The following SFI1 variants were observed in gnomAD, a reference collection of about 807,000 sequenced individuals.
SFI1 encodes the protein protein SFI1 homolog.
A neutral mutation model predicts 207.5 loss-of-function variants in SFI1; 195 were observed. The observed-to-expected ratio is 0.94, with a 90% CI of 0.84 to 1.06. The LOEUF (loss-of-function observed/expected upper bound fraction) is 1.06. SFI1 is among the 50% of genes least tolerant of loss of function. The probability of loss-of-function intolerance (pLI) is 0.00; values close to 1 mark genes in which losing one functional copy is unlikely to be tolerated. For missense variants in SFI1, 1,634 were observed against 1,588.0 expected, an observed-to-expected ratio of 1.03 and a Z score of -0.49; for synonymous variants, 630 against 598.9, an observed-to-expected ratio of 1.05 and a Z score of -0.76.
intron 6 of SFI1, among the ~76,000 whole-genome samples, chr22:31,554,843 C>T (rs543477889): frequency 3.0e-4 from 46 of 152,072 alleles, no homozygotes; most frequent in Admixed American, 3.3e-4. Context: ...CTATATTACA[C>T]GAATTTTAAT....
intron 16 of SFI1, 89 bp from the exon 17 acceptor site, chr22:31,602,518 C>G: frequency 6.8e-7 from 1 of 1,468,444 alleles, no homozygotes; most frequent in Non-Finnish European, 9.4e-7. Flanking sequence ...TTGCCTTAGT[C>G]ATTATTTGTG....
intron 15 of SFI1, among the ~76,000 whole-genome samples, chr22:31,594,689 G>A (rs5753713): frequency 0.77 from 115,867 of 150,802 alleles, 45,005 homozygotes; most frequent in Non-Finnish European, 0.83. Flanking sequence ...CCCTGTCTCT[G>A]CTAAAAATAC....
At chr22:31,608,811 G>A (rs1012667985) in intron 22 of SFI1, among the ~76,000 whole-genome samples, 81 of 152,034 alleles carry the variant, frequency 5.3e-4, no homozygotes, top group Non-Finnish European at 2.9e-5. Flanking sequence ...TTTCTAATTC[G>A]ATCTCAGGAA....
intron 22 of SFI1, among the ~76,000 whole-genome samples, chr22:31,609,827 C>A (rs1370184659): frequency 6.6e-6 from 1 of 152,266 alleles, no homozygotes; most frequent in Non-Finnish European, 1.5e-5. Context: ...CTGCACCTGA[C>A]CCTTTGGGCA....
chr22:31,503,129 T>A (rs1048650102), intron 1 of SFI1, among the ~76,000 whole-genome samples: 2 of 151,644 alleles, frequency 1.3e-5, no homozygotes, highest in African/African-American at 4.9e-5. Context: ...ACTTGTGAGT[T>A]CAGGGGCTTC....
chr22:31,545,602 G>T (rs1240031404), intron 4 of SFI1, among the ~76,000 whole-genome samples: 10 of 109,768 alleles, frequency 9.1e-5, no homozygotes, highest in Non-Finnish European at 1.5e-4. Flanking sequence ...TTTATTTTGA[G>T]ACGAAGTCTC....
intron 27 of SFI1, 106 bp from the exon 28 acceptor site, chr22:31,614,683 T>C (rs774871091): frequency 7.4e-7 from 1 of 1,351,642 alleles, no homozygotes; most frequent in Non-Finnish European, 1.0e-6. Flanking sequence ...GGCCTCGCCT[T>C]TCCTGACTTT....
At chr22:31,530,171 C>CAAAAAAAAAAAAAA (rs1162482504) in intron 3 of SFI1, among the ~76,000 whole-genome samples, 1 of 12,106 alleles carries the variant, frequency 8.3e-5, no homozygotes, top group Non-Finnish European at 1.3e-4. Context: ...GACTCCATCT[C>CAAAAAAAAAAAAAA]AAAAAAAAAA....
intron 2 of SFI1, among the ~76,000 whole-genome samples, chr22:31,522,845 G>A (rs1260833674): frequency 2.6e-5 from 4 of 151,948 alleles, no homozygotes; most frequent in African/African-American, 4.8e-5. Context: ...TAGTAGAGAC[G>A]GGGTTTCACC....
rs1347696929 is a variant in SFI1 at position 31,611,316 on chromosome 22, G to T, written c.2415+13G>T. The stretch of plus-strand genomic sequence containing the variant: ...TGTCAGGAAGAGGGTGAGGCTGACG[G>T]TGGCAACTCTCCAAGTTCTGCCTGC... On this transcript the variant is annotated intron_variant, in intron 23 of 32. Transcript: ENST00000400288. 1 of 1,577,826 alleles carries T rather than the reference G, an allele frequency of 6.3e-7. No individual in the cohort carries two copies.
chr22:31,512,075 C>T (rs2055657919), intron 2 of SFI1, among the ~76,000 whole-genome samples: 1 of 152,158 alleles, frequency 6.6e-6, no homozygotes, highest in South Asian at 2.1e-4. Flanking sequence ...GGCGCAGTGG[C>T]TCACGCCTGT....
intron 3 of SFI1, 152 bp downstream of exon 3, chr22:31,529,015 AT>A: frequency 1.4e-6 from 1 of 696,448 alleles, no homozygotes; most frequent in East Asian, 2.7e-5. Flanking sequence ...TGAAAAGGAT[AT>A]TCAGGAACCT....
At chr22:31,538,931 T>C (rs1246614285) in intron 4 of SFI1, among the ~76,000 whole-genome samples, 2 of 152,226 alleles carry the variant, frequency 1.3e-5, no homozygotes, top group Non-Finnish European at 2.9e-5. Flanking sequence ...CTCTGGACTT[T>C]TACGTACGTG....
At chr22:31,535,504 C>CT (rs994523344) in intron 4 of SFI1, among the ~76,000 whole-genome samples, 1 of 148,734 alleles carries the variant, frequency 6.7e-6, no homozygotes, top group Non-Finnish European at 1.5e-5. Flanking sequence ...TTTGTTTTTT[C>CT]TTTTTTTTCT....
intron 24 of SFI1, chr22:31,612,883 G>A (rs543689903): frequency 8.2e-5 from 41 of 500,832 alleles, no homozygotes; most frequent in East Asian, 7.7e-4. Flanking sequence ...ACCATTCCCC[G>A]GACCTCAGGC....
At chr22:31,567,489 G>T (rs1019920908) in intron 8 of SFI1, among the ~76,000 whole-genome samples, 5 of 151,918 alleles carry the variant, frequency 3.3e-5, no homozygotes, top group African/African-American at 1.2e-4. Context: ...CTCTTAACAG[G>T]ATTCTTTGAT....
chr22:31,566,564 C>T (rs1409082152), intron 8 of SFI1, among the ~76,000 whole-genome samples: 1 of 152,220 alleles, frequency 6.6e-6, no homozygotes, highest in Non-Finnish European at 1.5e-5. Flanking sequence ...CTGCCTCTAT[C>T]ACCTATTAGC....
At chr22:31,535,411 A>T (rs62237761) in intron 4 of SFI1, among the ~76,000 whole-genome samples, 6,790 of 151,764 alleles carry the variant, frequency 0.045, 135 homozygotes, top group Non-Finnish European at 0.05. Flanking sequence ...GCTGGTCTCG[A>T]ACTCCTGACC....
chr22:31,528,865 T>C lies in SFI1; in HGVS notation c.266+2T>C. 6.2e-7 allele frequency: 1 copy of C among 1,608,874 alleles called. No individual in the cohort carries two copies. Among genetic ancestry groups the C allele is most frequent in the Non-Finnish European group, 8.5e-7 (1 of 1,176,612 alleles). ...CCGGTTAAGAGAACTGCGCATCAGG[T>C]GAGCTTATGAGTGGCCACCAGTCTA... is the stretch of plus-strand genomic sequence containing the variant. On this transcript the variant is annotated splice_donor_variant, in intron 3 of 32. Coordinates refer to ENST00000400288, the MANE Select transcript of SFI1 (RefSeq NM_001007467.3). LOFTEE classifies it high-confidence loss of function.
Sources: allele counts gnomAD v4.1 joint callset (sites outside exome capture counted in the v4.1 genomes callset), GRCh38; gene constraint gnomAD v4.1.1; transcripts MANE v1.5; gene names NCBI Gene and HGNC (gene_info 2026-07-23, HGNC 2026-07-21).